The following TBX20 variants were observed in gnomAD, a reference collection of about 807,000 sequenced individuals.
TBX20 encodes the protein T-box transcription factor 20.
TBX20 carries 8 observed loss-of-function variants against 42.9 expected under a neutral mutation model. The ratio of observed to expected loss-of-function variants is 0.19; its 90% CI spans 0.11 to 0.34. TBX20 has a LOEUF of 0.34. Among genes scored for constraint, TBX20 ranks in the 10% least tolerant of loss-of-function variants. TBX20 has a pLI of 1.00. For synonymous variants in TBX20, 198 were observed against 222.8 expected, an observed-to-expected ratio of 0.89 and a Z score of 0.99; for missense variants, 411 against 566.0, an observed-to-expected ratio of 0.73 and a Z score of 2.78.
At chr7:35,243,344 T>C (rs900842127) in intron 4 of TBX20, among the ~76,000 whole-genome samples, 10 of 152,164 alleles carry the variant, frequency 6.6e-5, no homozygotes, top group Non-Finnish European at 1.3e-4. Context: ...AACCAGTTTT[T>C]TAAGGTATAA....
At chr7:35,226,084 T>C (rs1789766401) in intron 6 of TBX20, among the ~76,000 whole-genome samples, 1 of 152,068 alleles carries the variant, frequency 6.6e-6, no homozygotes, top group African/African-American at 2.4e-5. Flanking sequence ...TATAAAGTTG[T>C]ATGTCTATTT....
intron 6 of TBX20, among the ~76,000 whole-genome samples, chr7:35,207,442 T>C (rs1789418713): frequency 1.3e-5 from 2 of 152,228 alleles, no homozygotes; most frequent in Admixed American, 1.3e-4. Flanking sequence ...GCTTGCGTTT[T>C]CTCTTTCCTA....
At chr7:35,244,896 G>T in intron 4 of TBX20, 53 bp downstream of exon 4, 3 of 1,309,490 alleles carry the variant, frequency 2.3e-6, no homozygotes, top group Non-Finnish European at 3.3e-6. Flanking sequence ...AGTTTTGTGC[G>T]ACCTGTCCAT....
chr7:35,238,790 T>G (rs1287242058), intron 5 of TBX20, among the ~76,000 whole-genome samples: 2 of 152,140 alleles, frequency 1.3e-5, no homozygotes, highest in Non-Finnish European at 2.9e-5. Context: ...GTTATGATCT[T>G]GGAGATAATT....
chr7:35,244,850 G>A lies in TBX20; in HGVS notation c.654+99C>T, dbSNP rs1790149063. 13 of 815,412 alleles carry A rather than the reference G, an allele frequency of 1.6e-5. No homozygotes were observed. In the South Asian group the frequency reaches 1.8e-4, roughly 11 times the overall value. 50.5% of individuals were successfully genotyped at this position (815,412 alleles called of 1,614,324 possible). The stretch of plus-strand genomic sequence containing the variant: ...TGACTCAGAGATAGAAGGTGGGAAG[G>A]GGATAGGGAAGGCAGGAAGGGACTC... On this transcript the variant is annotated intron_variant, in intron 4 of 7. Transcript: ENST00000408931.
At chr7:35,252,001 G>A (rs1480973126) in intron 1 of TBX20, among the ~76,000 whole-genome samples, 1 of 152,160 alleles carries the variant, frequency 6.6e-6, no homozygotes, top group African/African-American at 2.4e-5. Flanking sequence ...TGTGAGCTGG[G>A]CATGGCTTTA....
intron 3 of TBX20, among the ~76,000 whole-genome samples, chr7:35,246,098 A>G (rs574109707): frequency 4.6e-5 from 7 of 152,378 alleles, no homozygotes; most frequent in Non-Finnish European, 1.0e-4. Context: ...TTATTCATGT[A>G]AAGAACAAGA....
intron 3 of TBX20, 77 bp downstream of exon 3, chr7:35,248,600 T>A: frequency 2.0e-6 from 3 of 1,532,496 alleles, no homozygotes; most frequent in Non-Finnish European, 2.7e-6. Context: ...ATACACTTGC[T>A]TAAAATTCAC....
rs1040921676 is a variant in TBX20 at position 35,210,281 on chromosome 7, AT to A, written c.891-5700del. Among the ~76,000 whole-genome samples, 183 of 151,524 alleles carry A rather than the reference AT, an allele frequency of 1.2e-3. 1 individual carries two copies. The highest frequency in any genetic ancestry group is 1.9e-4 in the Non-Finnish European group (13 of 67,792). The stretch of plus-strand genomic sequence containing the variant: ...AGGTGCCCACCACCACGCCTGGCTA[AT>A]TTTTTTGTATTTTTAGTAGAGACCG... On this transcript the variant is annotated intron_variant, in intron 6 of 7. Coordinates refer to ENST00000408931, the MANE Select transcript of TBX20 (RefSeq NM_001077653.2).
At chr7:35,244,820 T>G (rs1382864949) in intron 4 of TBX20, 129 bp downstream of exon 4, 30 of 703,918 alleles carry the variant, frequency 4.3e-5, no homozygotes, top group Non-Finnish European at 7.8e-5. Context: ...AATGTTCCCA[T>G]AAAATGACTC....
chr7:35,244,298 G>A (rs10255047), intron 4 of TBX20, among the ~76,000 whole-genome samples: 55,476 of 151,978 alleles, frequency 0.37, 10,472 homozygotes, highest in Admixed American at 0.46. Flanking sequence ...TTAAACTACT[G>A]ATAAGAACAC....
At chr7:35,227,563 A>T (rs1789796426) in intron 6 of TBX20, among the ~76,000 whole-genome samples, 1 of 152,178 alleles carries the variant, frequency 6.6e-6, no homozygotes, top group Non-Finnish European at 1.5e-5. Flanking sequence ...TACGGTTTAT[A>T]GTCTAGGATC....
At chr7:35,247,345 A>G (rs1466828837) in intron 3 of TBX20, among the ~76,000 whole-genome samples, 1 of 152,034 alleles carries the variant, frequency 6.6e-6, no homozygotes, top group Admixed American at 6.5e-5. Flanking sequence ...TATCTATTAT[A>G]AACTGGTGAA....
intron 6 of TBX20, among the ~76,000 whole-genome samples, chr7:35,205,988 A>G (rs189239208): frequency 7.2e-5 from 11 of 152,358 alleles, no homozygotes; most frequent in Admixed American, 7.2e-4. Flanking sequence ...AATGTTATGT[A>G]AAGTATGCTA....
chr7:35,207,929 C>T (rs192603836), intron 6 of TBX20, among the ~76,000 whole-genome samples: 1 of 152,154 alleles, frequency 6.6e-6, no homozygotes, highest in African/African-American at 2.4e-5. Flanking sequence ...TAGTTCTTTG[C>T]ATTTCCATAT....
At chr7:35,222,738 C>A (rs1789703186) in intron 6 of TBX20, among the ~76,000 whole-genome samples, 1 of 152,052 alleles carries the variant, frequency 6.6e-6, no homozygotes, top group South Asian at 2.1e-4. Flanking sequence ...GTAATCAGGT[C>A]TGTGTGGTGA....
At chr7:35,211,000 T>C (rs1242305945) in intron 6 of TBX20, among the ~76,000 whole-genome samples, 2 of 152,002 alleles carry the variant, frequency 1.3e-5, no homozygotes, top group African/African-American at 4.8e-5. Flanking sequence ...CTTTAAATGA[T>C]TTCATTTCAT....
At chr7:35,235,957 C>T (rs1789957647) in intron 5 of TBX20, among the ~76,000 whole-genome samples, 1 of 152,078 alleles carries the variant, frequency 6.6e-6, no homozygotes, top group Non-Finnish European at 1.5e-5. Flanking sequence ...ACTTGACCTA[C>T]ACTTCAACTC....
At position 35,232,668 on chromosome 7, in the gene TBX20, A is replaced by T. The variant is rs1217988664; in HGVS notation, c.814-1088T>A. Among the ~76,000 whole-genome samples the T allele has an allele frequency of 2.6e-5, 4 of 152,224 alleles. No homozygotes were observed. In the South Asian group the frequency reaches 6.2e-4, roughly 24 times the overall value. On this transcript the variant is annotated intron_variant, in intron 5 of 7. Transcript: ENST00000408931. Reference sequence around the variant, plus strand: ...CTAAAGATTCTTAACAGGGGAAAAAAGTTACAGGTATGTCTTCTTCTTTCA... The same window carrying T: ...CTAAAGATTCTTAACAGGGGAAAAATGTTACAGGTATGTCTTCTTCTTTCA...
Sources: allele counts gnomAD v4.1 joint callset (sites outside exome capture counted in the v4.1 genomes callset), GRCh38; gene constraint gnomAD v4.1.1; transcripts MANE v1.5; gene names NCBI Gene and HGNC (gene_info 2026-07-23, HGNC 2026-07-21).